SHROOM4: variants seen among roughly 807,000 people sequenced by gnomAD.
SHROOM4 encodes protein Shroom4.
SHROOM4 carries 17 observed loss-of-function variants against 80.3 expected under a neutral mutation model. That is an observed-to-expected ratio of 0.21 (90% confidence interval 0.14 to 0.32). SHROOM4 has a LOEUF of 0.32. SHROOM4 is among the 10% of genes least tolerant of loss of function. The probability of loss-of-function intolerance (pLI) is 1.00; values close to 1 mark genes in which losing one functional copy is unlikely to be tolerated. For synonymous variants in SHROOM4, 400 were observed against 437.5 expected (o/e 0.91, Z 1.07); for missense variants, 993 against 1,140.3 (o/e 0.87, Z 1.86).
intron 1 of SHROOM4, among the ~76,000 whole-genome samples, chrX:50,717,218 T>C (rs1557264947): frequency 9.0e-6 from 1 of 111,514 alleles, no homozygotes; most frequent in Non-Finnish European, 1.9e-5. Flanking sequence ...AAAGCCATGG[T>C]TTTTTTGTTT....
At chrX:50,691,160 A>G (rs1003637847) in intron 2 of SHROOM4, among the ~76,000 whole-genome samples, 2 of 110,818 alleles carry the variant, frequency 1.8e-5, no homozygotes, top group Non-Finnish European at 3.8e-5. Flanking sequence ...ATTATGTTAA[A>G]CTCTCCCATA....
rs185271485 is a variant in SHROOM4, at chrX:50,590,968, T to C, written c.*5727A>G. On this transcript the variant is annotated 3_prime_UTR_variant, in exon 9 of 9. Coordinates refer to ENST00000376020, the MANE Select transcript of SHROOM4 (RefSeq NM_020717.5). ...TTGATTTACTCCAATTTATTTCTAT[T>C]TCTTGTATCACTTGTGCAAATCGTC... 3.4e-3 allele frequency among the ~76,000 whole-genome samples: 382 copies of C among 112,466 alleles called. No homozygotes were observed. Among genetic ancestry groups the C allele is most frequent in the African/African-American group, 0.012 (363 of 31,016 alleles).
chrX:50,578,328 A>G, the SHROOM4 span, among the ~76,000 whole-genome samples: 1 of 112,341 alleles, frequency 8.9e-6, no homozygotes, highest in Non-Finnish European at 1.9e-5. Context: ...ATTTTTTGAG[A>G]CGGAGTCTCG....
At position 50,814,190 on chromosome X, in the gene SHROOM4, A is replaced by T. The variant is rs1433360163; in HGVS notation, c.-172T>A. 2 of 454,454 alleles carry T rather than the reference A, an allele frequency of 4.4e-6. No individual in the cohort carries two copies. Among genetic ancestry groups the T allele is most frequent in the Non-Finnish European group, 7.8e-6 (2 of 256,042 alleles). 37.5% of individuals were successfully genotyped at this position (454,454 alleles called of 1,213,427 possible). A position where few individuals can be genotyped will look rare whatever the true frequency, so the allele number is the denominator to read the frequency against. On this transcript the variant is annotated 5_prime_UTR_variant, in exon 1 of 9. Transcript: ENST00000376020. ...GGCAGCGAGCGAGCGCAAGGAGGAAATGACACGGAGCTGGAGAAAGGGGGA... is the reference window on the plus strand; with the variant it reads ...GGCAGCGAGCGAGCGCAAGGAGGAATTGACACGGAGCTGGAGAAAGGGGGA...
At chrX:50,795,128 ATATATATATATATATAT>A (rs1935965688) in intron 1 of SHROOM4, among the ~76,000 whole-genome samples, 2 of 1,733 alleles carry the variant, frequency 1.2e-3, no homozygotes, top group South Asian at 0.029. Context: ...TATATATATG[ATATATATATATATATAT>A]GATATATATA....
chrX:50,671,218 T>C (rs1898235842), intron 2 of SHROOM4, among the ~76,000 whole-genome samples: 1 of 111,622 alleles, frequency 9.0e-6, no homozygotes, highest in South Asian at 3.7e-4. Context: ...ACAGACAGAG[T>C]AGATTTAGTA....
At chrX:50,717,789 G>T (rs1934002711) in intron 1 of SHROOM4, among the ~76,000 whole-genome samples, 1 of 112,151 alleles carries the variant, frequency 8.9e-6, no homozygotes, top group South Asian at 3.8e-4. Context: ...TTCCAGCACT[G>T]TGGGTAAGGA....
At chrX:50,641,864 G>A (rs185631471) in intron 2 of SHROOM4, among the ~76,000 whole-genome samples, 27 of 112,307 alleles carry the variant, frequency 2.4e-4, no homozygotes, top group African/African-American at 5.5e-4. Context: ...CACCCGCTTC[G>A]GCCTCCCAAA....
intron 2 of SHROOM4, among the ~76,000 whole-genome samples, chrX:50,685,359 C>G (rs2147427609): frequency 9.0e-6 from 1 of 111,211 alleles, no homozygotes; most frequent in East Asian, 2.8e-4. Flanking sequence ...TTAATGTACA[C>G]CTTGGAATGG....
At chrX:50,697,885 C>T in intron 1 of SHROOM4, among the ~76,000 whole-genome samples, 1 of 112,037 alleles carries the variant, frequency 8.9e-6, no homozygotes, top group Non-Finnish European at 1.9e-5. Flanking sequence ...CCATAGAAGG[C>T]CCTTAGCACC....
intron 1 of SHROOM4, among the ~76,000 whole-genome samples, chrX:50,701,777 C>T (rs1310345736): frequency 5.4e-5 from 6 of 111,404 alleles, no homozygotes; most frequent in African/African-American, 9.8e-5. Flanking sequence ...AATGAGAGGA[C>T]TAAAATCATA....
chrX:50,643,309 A>G (rs1029676348), intron 2 of SHROOM4: 1 of 111,856 alleles, frequency 8.9e-6, no homozygotes, highest in Admixed American at 9.5e-5. Context: ...TGTACCTACC[A>G]TGGAAGTTGC....
intron 5 of SHROOM4, among the ~76,000 whole-genome samples, chrX:50,624,501 A>G (rs1930714988): frequency 9.0e-6 from 1 of 111,205 alleles, no homozygotes; most frequent in Non-Finnish European, 1.9e-5. Context: ...ACATATCCCA[A>G]TTCAAACTTA....
rs781986205 is a variant in SHROOM4, at chrX:50,795,087, TG to T, written c.117+18814del. On this transcript the variant is annotated intron_variant, in intron 1 of 8. Transcript: ENST00000376020. ...GATATATATATATGATATATATATA[TG>T]ATATATATATATGATATATATATAT... 1.2e-3 allele frequency among the ~76,000 whole-genome samples: 75 copies of T among 62,610 alleles called. 3 individuals are homozygous for T. Among genetic ancestry groups the T allele is most frequent in the African/African-American group, 2.4e-3 (24 of 9,926 alleles). The allele number at this position is 62,610 out of a possible 115,157, so 54.4% of individuals were successfully genotyped here.
intron 1 of SHROOM4, among the ~76,000 whole-genome samples, chrX:50,810,184 C>CG (rs1231422695): frequency 5.4e-5 from 6 of 110,520 alleles, no homozygotes; most frequent in African/African-American, 1.6e-4. Context: ...ACTTGACTGT[C>CG]GGGGGGTACT....
At chrX:50,669,199 GACA>G (rs781837122) in intron 2 of SHROOM4, among the ~76,000 whole-genome samples, 3 of 111,993 alleles carry the variant, frequency 2.7e-5, no homozygotes, top group Non-Finnish European at 3.8e-5. Context: ...CATAAAATAA[GACA>G]ACAACAAAGT....
At position 50,770,021 on chromosome X, in the gene SHROOM4, T is replaced by G. The variant is rs924788882; in HGVS notation, c.117+43881A>C. Among the ~76,000 whole-genome samples the G allele has an allele frequency of 9.0e-5, 10 of 110,512 alleles. 1 individual carries two copies. Among genetic ancestry groups the G allele is most frequent in the African/African-American group, 3.3e-4 (10 of 30,301 alleles). The stretch of plus-strand genomic sequence containing the variant: ...GTTTACTTCCAGAGTCAGTGTAAGC[T>G]TCCATCTTTTTCCCAATGATGGTGG... On this transcript the variant is annotated intron_variant, in intron 1 of 8. Transcript: ENST00000376020.
intron 4 of SHROOM4, 78 bp downstream of exon 4, chrX:50,633,100 T>C (rs1252716954): frequency 2.2e-6 from 2 of 924,362 alleles, no homozygotes; most frequent in Non-Finnish European, 1.5e-6. Context: ...ATAATTGTTA[T>C]ATTTTTAAAT....
intron 1 of SHROOM4, among the ~76,000 whole-genome samples, chrX:50,775,648 AAC>A (rs1557270053): frequency 1.8e-5 from 2 of 112,198 alleles, no homozygotes; most frequent in Middle Eastern, 4.2e-3. Flanking sequence ...ATGTTGAAGA[AAC>A]AGAGTCTGGG....
Sources: gnomAD v4.1 joint callset for allele counts (sites outside exome capture counted in the v4.1 genomes callset) on GRCh38, gnomAD v4.1.1 for gene constraint, MANE v1.5 for transcripts, NCBI Gene and HGNC (gene_info 2026-07-23, HGNC 2026-07-21) for gene names.